BANK1: variants seen among roughly 807,000 people sequenced by gnomAD.
The protein encoded by BANK1 is B-cell scaffold protein with ankyrin repeats.
Under a neutral mutation model 94.5 loss-of-function variants are expected in BANK1, and 95 were observed. The ratio of observed to expected loss-of-function variants is 1.00; its 90% CI spans 0.85 to 1.19. The LOEUF (loss-of-function observed/expected upper bound fraction) is 1.19, where lower values mean the gene tolerates loss of function less well. Ranked by LOEUF, BANK1 falls within the 50% of genes most tolerant of loss-of-function variation. BANK1 has a pLI of 0.00. For synonymous variants in BANK1, 334 were observed against 308.4 expected (o/e 1.08, Z -0.87); for missense variants, 987 against 932.2 (o/e 1.06, Z -0.77).
At chr4:102,024,727 T>C (rs1727020421) in intron 8 of BANK1, among the ~76,000 whole-genome samples, 1 of 152,128 alleles carries the variant, frequency 6.6e-6, no homozygotes, top group Admixed American at 6.5e-5. Flanking sequence ...AAAATTATTA[T>C]AGTTATCTGT....
intron 11 of BANK1, among the ~76,000 whole-genome samples, chr4:102,046,431 G>A (rs1194724645): frequency 1.3e-5 from 2 of 152,060 alleles, no homozygotes; most frequent in Non-Finnish European, 2.9e-5. Context: ...TAGTGTTGTC[G>A]ATGTTATCAT....
chr4:102,005,010 G>C (rs1401894736), intron 7 of BANK1, among the ~76,000 whole-genome samples: 4 of 151,992 alleles, frequency 2.6e-5, no homozygotes, highest in Admixed American at 6.6e-5. Flanking sequence ...CTAATAGCTA[G>C]AGTGGGAATA....
At chr4:102,060,422 C>T (rs1728380496) in intron 12 of BANK1, 33 bp downstream of exon 12, 1 of 1,573,128 alleles carries the variant, frequency 6.4e-7, no homozygotes, top group Non-Finnish European at 8.6e-7. Flanking sequence ...TGGGACATTC[C>T]CTCACTTGTG....
At chr4:102,052,533 T>C (rs1327833046) in intron 11 of BANK1, among the ~76,000 whole-genome samples, 2 of 152,150 alleles carry the variant, frequency 1.3e-5, no homozygotes, top group African/African-American at 4.8e-5. Context: ...CTGTTAATGA[T>C]TTATTTATTT....
chr4:101,898,818 A>C (rs986523763), intron 6 of BANK1, among the ~76,000 whole-genome samples: 2 of 152,024 alleles, frequency 1.3e-5, no homozygotes, highest in African/African-American at 4.8e-5. Context: ...CTCTCTAGAC[A>C]ATACACTCAT....
At chr4:101,799,174 A>G (rs1016371301) in intron 1 of BANK1, among the ~76,000 whole-genome samples, 1 of 152,182 alleles carries the variant, frequency 6.6e-6, no homozygotes, top group Non-Finnish European at 1.5e-5. Flanking sequence ...TCAGCTCTCT[A>G]TATATGGCTA....
At chr4:101,964,030 G>C (rs1348009555) in intron 7 of BANK1, among the ~76,000 whole-genome samples, 1 of 152,092 alleles carries the variant, frequency 6.6e-6, no homozygotes, top group East Asian at 1.9e-4. Context: ...TGTTAAGACT[G>C]TATATGAATT....
intron 1 of BANK1, among the ~76,000 whole-genome samples, chr4:101,811,263 G>A (rs1725723127): frequency 6.6e-6 from 1 of 152,206 alleles, no homozygotes; most frequent in African/African-American, 2.4e-5. Context: ...TAAAAGGTCA[G>A]CAATATTATT....
In BANK1 at chr4:101,883,960, G is replaced by A. The variant is rs28402240; in HGVS notation, c.904-11345G>A. Among the ~76,000 whole-genome samples, 959 of 152,222 alleles carry A rather than the reference G, an allele frequency of 6.3e-3. 11 individuals are homozygous for A. The highest frequency in any genetic ancestry group is 0.021 in the African/African-American group (887 of 41,542). On this transcript the variant is annotated intron_variant, in intron 5 of 16. Coordinates refer to ENST00000322953, the MANE Select transcript of BANK1 (RefSeq NM_017935.5). ...GCTTGTATTTTCTAAAAGTCACCAT[G>A]CAATCTTGTGGGCCTCTGTACTAAT...
chr4:101,939,416 G>A (rs1560643195), intron 7 of BANK1, among the ~76,000 whole-genome samples: 1 of 151,712 alleles, frequency 6.6e-6, no homozygotes, highest in Non-Finnish European at 1.5e-5. Flanking sequence ...TATATTACAT[G>A]TTCAACAAAG....
intron 7 of BANK1, among the ~76,000 whole-genome samples, chr4:101,928,693 A>G (rs1404749586): frequency 6.6e-6 from 1 of 151,644 alleles, no homozygotes; most frequent in Non-Finnish European, 1.5e-5. Flanking sequence ...TGAACCTATC[A>G]ATCTTGAATT....
rs1016287477 is a variant in BANK1 at position 101,892,715 on chromosome 4, T to G, written c.904-2590T>G. Among the ~76,000 whole-genome samples, 6 of 151,992 alleles carry G rather than the reference T, an allele frequency of 3.9e-5. No individual in the cohort carries two copies. In the East Asian group the frequency reaches 9.6e-4, roughly 24 times the overall value. Reference sequence around the variant, plus strand: ...ACTATTTTATTTCAATCTTTCTTTTTGAAAGATTTGTACAATTGTATCAAC... The same window carrying G: ...ACTATTTTATTTCAATCTTTCTTTTGGAAAGATTTGTACAATTGTATCAAC... On this transcript the variant is annotated intron_variant, in intron 5 of 16. Coordinates refer to ENST00000322953, the MANE Select transcript of BANK1 (RefSeq NM_017935.5).
intron 1 of BANK1, among the ~76,000 whole-genome samples, chr4:101,815,512 T>G (rs1339278716): frequency 6.6e-6 from 1 of 152,140 alleles, no homozygotes; most frequent in East Asian, 1.9e-4. Context: ...AGAAATAATT[T>G]TCACTTTTAA....
In BANK1 at chr4:101,829,813, A is replaced by G. The variant is rs1352974185; in HGVS notation, c.76A>G (p.Thr26Ala). ...AATATTTTTTCTTTTTCCAGGAAAT[A>G]CAAAAGATATAATAATGATATATGA... ...APCGPAPPGN[T>A]KDIIMIYEED... is the part of the protein sequence containing the mutation. The change falls in exon 2 of 17, where the codon ACA becomes GCA. Residue 26 changes from threonine (T) to alanine (A), a missense_variant. Transcript: ENST00000322953. 26 of 1,520,520 alleles carry G rather than the reference A, an allele frequency of 1.7e-5. No individual in the cohort carries two copies. The highest frequency in any genetic ancestry group is 2.2e-5 in the Non-Finnish European group (25 of 1,131,034). The allele number at this position is 1,520,520 out of a possible 1,614,324, so 94.2% of individuals were successfully genotyped here.
chr4:102,032,454 GT>G lies in BANK1; in HGVS notation c.1900+2194del, dbSNP rs1401409210. 4 of 152,116 alleles carry G rather than the reference GT, an allele frequency of 2.6e-5. No homozygotes were observed. The East Asian group carries it at 7.7e-4, about 29-fold the overall frequency. 9.4% of individuals were successfully genotyped at this position (152,116 alleles called of 1,614,324 possible). On this transcript the variant is annotated intron_variant, in intron 10 of 16. Coordinates refer to ENST00000322953, the MANE Select transcript of BANK1 (RefSeq NM_017935.5). ...ATTTTGCTTCATTGTGTTTTGATTTGTTTTTAAATTTCTTTTGTTCTTACTT... is the reference window on the plus strand; with the variant it reads ...ATTTTGCTTCATTGTGTTTTGATTTGTTTTAAATTTCTTTTGTTCTTACTT...
intron 7 of BANK1, among the ~76,000 whole-genome samples, chr4:101,998,200 G>T (rs1725945832): frequency 6.6e-6 from 1 of 152,114 alleles, no homozygotes; most frequent in Admixed American, 6.5e-5. Context: ...GGAGCACATT[G>T]TTCCATTTCC....
chr4:101,974,743 TTCGAGA>T (rs1725068204), intron 7 of BANK1, among the ~76,000 whole-genome samples: 1 of 151,876 alleles, frequency 6.6e-6, no homozygotes, highest in Non-Finnish European at 1.5e-5. Context: ...ATGTCAGGAG[TTCGAGA>T]CCAGCCTGGC....
intron 3 of BANK1, among the ~76,000 whole-genome samples, chr4:101,858,558 T>A (rs1727762666): frequency 6.6e-6 from 1 of 152,164 alleles, no homozygotes; most frequent in Non-Finnish European, 1.5e-5. Context: ...CCCACTGTAA[T>A]CTCAACTTTC....
chr4:101,885,655 A>G (rs1477419619), intron 5 of BANK1, among the ~76,000 whole-genome samples: 1 of 152,198 alleles, frequency 6.6e-6, no homozygotes, highest in African/African-American at 2.4e-5. Flanking sequence ...TGTGTGTGAC[A>G]TGTCTCAAAT....
Sources: gnomAD v4.1 joint callset for allele counts (sites outside exome capture counted in the v4.1 genomes callset) on GRCh38, gnomAD v4.1.1 for gene constraint, MANE v1.5 for transcripts, NCBI Gene and HGNC (gene_info 2026-07-23, HGNC 2026-07-21) for gene names.